The following CAMTA1 variants were observed in gnomAD, a reference collection of about 807,000 sequenced individuals.
CAMTA1 encodes the protein calmodulin-binding transcription activator 1.
A neutral mutation model predicts 170.9 loss-of-function variants in CAMTA1; 27 were observed. The observed-to-expected ratio is 0.16, with a 90% CI of 0.12 to 0.22. The LOEUF is 0.22. Among genes scored for constraint, CAMTA1 ranks in the 10% least tolerant of loss-of-function variants. CAMTA1 has a pLI of 1.00. For missense variants in CAMTA1, 1,619 were observed against 2,217.2 expected (o/e 0.73, Z 5.42); for synonymous variants, 833 against 891.5 (o/e 0.93, Z 1.17).
chr1:7,600,454 T>C (rs2095431317), intron 6 of CAMTA1, among the ~76,000 whole-genome samples: 1 of 151,956 alleles, frequency 6.6e-6, no homozygotes, highest in Non-Finnish European at 1.5e-5. Context: ...GCTGGCCTCA[T>C]AAAATGAGTT....
chr1:7,045,704 C>T (rs1705276120), intron 3 of CAMTA1, among the ~76,000 whole-genome samples: 1 of 152,168 alleles, frequency 6.6e-6, no homozygotes, highest in Admixed American at 6.6e-5. Flanking sequence ...GCTGATTAAG[C>T]CCAAATAACA....
intron 3 of CAMTA1, among the ~76,000 whole-genome samples, chr1:7,022,880 A>G (rs1273993574): frequency 6.6e-6 from 1 of 152,158 alleles, no homozygotes; most frequent in African/African-American, 2.4e-5. Context: ...ACATAGCTGA[A>G]TTCAAAGGTG....
intron 4 of CAMTA1, among the ~76,000 whole-genome samples, chr1:7,109,735 C>A (rs1643898724): frequency 6.6e-6 from 1 of 152,216 alleles, no homozygotes; most frequent in Non-Finnish European, 1.5e-5. Flanking sequence ...GATGAATCGT[C>A]CTCCCATTGG....
At chr1:6,945,347 T>A (rs1440056677) in intron 3 of CAMTA1, among the ~76,000 whole-genome samples, 1 of 152,078 alleles carries the variant, frequency 6.6e-6, no homozygotes, top group Non-Finnish European at 1.5e-5. Flanking sequence ...TAATTTTAAT[T>A]TTTTAACTAA....
At chr1:7,541,025 A>G (rs1034955638) in intron 6 of CAMTA1, among the ~76,000 whole-genome samples, 1 of 152,216 alleles carries the variant, frequency 6.6e-6, no homozygotes, top group Non-Finnish European at 1.5e-5. Context: ...GTCCCTCCGC[A>G]CACTGGCTGT....
chr1:7,105,643 A>T (rs1240225998), intron 4 of CAMTA1, among the ~76,000 whole-genome samples: 1 of 152,208 alleles, frequency 6.6e-6, no homozygotes, highest in Non-Finnish European at 1.5e-5. Flanking sequence ...CTCAAAGTTG[A>T]TTTTAAAATA....
chr1:7,366,805 C>T (rs1248919656), intron 5 of CAMTA1, among the ~76,000 whole-genome samples: 1 of 152,204 alleles, frequency 6.6e-6, no homozygotes, highest in East Asian at 1.9e-4. Context: ...GCTTCCTGAG[C>T]TCTGTCTGTG....
In CAMTA1 at chr1:7,562,054, ATTGGGAGATGGTG is replaced by A. The variant is rs2094963960; in HGVS notation, c.511-78343_511-78331del. ...TCGAAGGGTCGTGGCCAAGATGGTG[ATTGGGAGATGGTG>A]TTCAGGGAAGCCTTTGTGCCCCAGG... On this transcript the variant is annotated intron_variant, in intron 6 of 22. Coordinates refer to ENST00000303635, the MANE Select transcript of CAMTA1 (RefSeq NM_015215.4). The surrounding 1 kb of genome is among the most constrained non-coding windows in gnomAD (Gnocchi z 4.8). Among the ~76,000 whole-genome samples, 1 of 152,168 alleles carries A rather than the reference ATTGGGAGATGGTG, an allele frequency of 6.6e-6. No individual in the cohort carries two copies. Among genetic ancestry groups the A allele is most frequent in the African/African-American group, 2.4e-5 (1 of 41,492 alleles).
intron 5 of CAMTA1, among the ~76,000 whole-genome samples, chr1:7,406,621 T>C (rs1438113677): frequency 6.6e-6 from 1 of 151,684 alleles, no homozygotes; most frequent in Non-Finnish European, 1.5e-5. Context: ...CACACACACA[T>C]GCATGCAGAC....
At chr1:7,015,821 A>G (rs1700450257) in intron 3 of CAMTA1, among the ~76,000 whole-genome samples, 3 of 150,636 alleles carry the variant, frequency 2.0e-5, no homozygotes, top group Admixed American at 1.3e-4. Context: ...CATGTCCTGC[A>G]TGGCTGAGGA....
chr1:7,593,489 C>CTTT lies in CAMTA1; in HGVS notation c.511-46895_511-46893dup, dbSNP rs35614673. ...GTGGCTCATGCCTATAATCCTAGCA[C>CTTT]TTTTTTTTTTTTTTTTTTGAGACAG... On this transcript the variant is annotated intron_variant, in intron 6 of 22. Transcript: ENST00000303635. Among the ~76,000 whole-genome samples, 953 of 134,178 alleles carry CTTT rather than the reference C, an allele frequency of 7.1e-3. 28 individuals carry two copies. Among genetic ancestry groups the CTTT allele is most frequent in the African/African-American group, 0.025 (885 of 34,940 alleles). The allele number at this position is 134,178 out of a possible 152,430, so 88.0% of individuals were successfully genotyped here. A position where few individuals can be genotyped will look rare whatever the true frequency, so the allele number is the denominator to read the frequency against.
rs1229611519 is a variant in CAMTA1 at position 7,641,104 on chromosome 1, A to G, written c.664+551A>G. Reference sequence around the variant, plus strand: ...GCATCTGTCAGGTGCAAATCACAGAATGCAAAACACCGAGTGAGGCAGGGA... The same window carrying G: ...GCATCTGTCAGGTGCAAATCACAGAGTGCAAAACACCGAGTGAGGCAGGGA... On this transcript the variant is annotated intron_variant, in intron 7 of 22. Transcript: ENST00000303635. The surrounding 1 kb of genome is among the most constrained non-coding windows in gnomAD (Gnocchi z 4.5). Among the ~76,000 whole-genome samples the G allele has an allele frequency of 3.3e-5, 5 of 152,214 alleles. No individual in the cohort carries two copies. Among genetic ancestry groups the G allele is most frequent in the African/African-American group, 1.2e-4 (5 of 41,472 alleles).
intron 11 of CAMTA1, among the ~76,000 whole-genome samples, chr1:7,679,824 C>T (rs2096168783): frequency 6.6e-6 from 1 of 152,222 alleles, no homozygotes; most frequent in Admixed American, 6.5e-5. Flanking sequence ...TGGGGTCCAC[C>T]TCGGCCCAGG....
chr1:6,980,607 G>A (rs766255159), intron 3 of CAMTA1, among the ~76,000 whole-genome samples: 7 of 152,102 alleles, frequency 4.6e-5, no homozygotes, highest in Non-Finnish European at 8.8e-5. Flanking sequence ...GGAGGGACTT[G>A]GTAGGAGGTA....
Position 7,007,422 on chromosome 1 carries a change from C to G in CAMTA1, c.235-83882C>G, listed in dbSNP as rs961810803. ...CGAGGAAGTGACCCCTATGAGCCAGCCTTGTGGGGCAACAGAATGTCACAC... is the reference window on the plus strand; with the variant it reads ...CGAGGAAGTGACCCCTATGAGCCAGGCTTGTGGGGCAACAGAATGTCACAC... On this transcript the variant is annotated intron_variant, in intron 3 of 22. Transcript: ENST00000303635. This position sits in a 1 kb window ranked among gnomAD's most constrained non-coding sequence, Gnocchi z 4.5. 6.6e-6 allele frequency among the ~76,000 whole-genome samples: 1 copy of G among 152,194 alleles called. No homozygotes were observed. Among genetic ancestry groups the G allele is most frequent in the Non-Finnish European group, 1.5e-5 (1 of 68,026 alleles).
intron 6 of CAMTA1, among the ~76,000 whole-genome samples, chr1:7,520,221 TC>T (rs2094344133): frequency 6.1e-5 from 1 of 16,276 alleles, no homozygotes; most frequent in African/African-American, 2.8e-4. Context: ...CTCCTCCTCC[TC>T]CTCCTCCCTC....
intron 11 of CAMTA1, among the ~76,000 whole-genome samples, chr1:7,713,464 A>C (rs972730108): frequency 6.6e-6 from 1 of 151,376 alleles, no homozygotes; most frequent in Non-Finnish European, 1.5e-5. Context: ...AAAAAGTTTC[A>C]CATAAGTTTA....
rs368896407 is a variant in CAMTA1 at position 6,826,655 on chromosome 1, A to G, written c.234+1445A>G. 7.2e-5 allele frequency among the ~76,000 whole-genome samples: 11 copies of G among 152,332 alleles called. No individual in the cohort carries two copies. The East Asian group carries it at 2.1e-3, about 29-fold the overall frequency. ...TATTTATAAATGTAACCCAACCCATAATAAGTATGTATTTTTCCATATTAT... is the reference window on the plus strand; with the variant it reads ...TATTTATAAATGTAACCCAACCCATGATAAGTATGTATTTTTCCATATTAT... On this transcript the variant is annotated intron_variant, in intron 3 of 22. Coordinates refer to ENST00000303635, the MANE Select transcript of CAMTA1 (RefSeq NM_015215.4).
At chr1:7,429,611 A>G (rs935797472) in intron 5 of CAMTA1, among the ~76,000 whole-genome samples, 4 of 151,210 alleles carry the variant, frequency 2.6e-5, no homozygotes, top group Non-Finnish European at 4.4e-5. Context: ...GGTGATGCTG[A>G]TGGTGGTGAT....
Sources: gnomAD v4.1 joint callset for allele counts (sites outside exome capture counted in the v4.1 genomes callset) on GRCh38, gnomAD v4.1.1 for gene constraint, Gnocchi (gnomAD v3.1) non-coding constraint, MANE v1.5 for transcripts, NCBI Gene and HGNC (gene_info 2026-07-23, HGNC 2026-07-21) for gene names.